The following STARD13 variants were observed in gnomAD, a reference collection of about 807,000 sequenced individuals.
STARD13 encodes the protein StAR related lipid transfer domain containing 13.
In STARD13, 62 loss-of-function variants were observed where a neutral mutation model predicts 106.4. The observed-to-expected ratio is 0.58, with a 90% CI of 0.48 to 0.72. The LOEUF (loss-of-function observed/expected upper bound fraction) is 0.72. STARD13 is among the 30% of genes least tolerant of loss of function. The pLI is 0.00. For missense variants in STARD13, 1,387 were observed against 1,424.0 expected (o/e 0.97, Z 0.42); for synonymous variants, 565 against 553.0 (o/e 1.02, Z -0.31).
At chr13:33,122,567 A>T (rs1374354565) in intron 7 of STARD13, among the ~76,000 whole-genome samples, 2 of 152,226 alleles carry the variant, frequency 1.3e-5, no homozygotes, top group Non-Finnish European at 1.5e-5. Context: ...ATCTACTGTT[A>T]AAGCTCAGCC....
the STARD13 span, among the ~76,000 whole-genome samples, chr13:33,463,909 G>A: frequency 6.6e-6 from 1 of 151,820 alleles, no homozygotes; most frequent in Non-Finnish European, 1.5e-5. Flanking sequence ...CTATCAGGAG[G>A]CTGAAGCCAG....
the STARD13 span, among the ~76,000 whole-genome samples, chr13:33,553,996 T>C: frequency 6.6e-6 from 1 of 152,142 alleles, no homozygotes; most frequent in South Asian, 2.1e-4. Context: ...AACATATTCA[T>C]TATATTATTA....
the STARD13 span, among the ~76,000 whole-genome samples, chr13:33,563,426 G>A: frequency 1.4e-5 from 2 of 146,742 alleles, 1 homozygote; most frequent in Admixed American, 1.4e-4. Context: ...ATAAATCCAC[G>A]CATTTAGAGC....
At chr13:33,564,119 A>G in the STARD13 span, among the ~76,000 whole-genome samples, 1 of 143,868 alleles carries the variant, frequency 7.0e-6, no homozygotes, top group African/African-American at 2.6e-5. Context: ...TGAACCCGGG[A>G]ATTGCTTGAA....
chr13:33,573,791 G>C, the STARD13 span, among the ~76,000 whole-genome samples: 1 of 152,080 alleles, frequency 6.6e-6, no homozygotes, highest in African/African-American at 2.4e-5. Flanking sequence ...GAAGTATCTA[G>C]ATTCATAGGA....
chr13:33,528,241 T>A, the STARD13 span, among the ~76,000 whole-genome samples: 2 of 130,518 alleles, frequency 1.5e-5, no homozygotes, highest in African/African-American at 6.9e-5. Context: ...TATATATATA[T>A]ACATATATAT....
At chr13:33,544,770 C>CT in the STARD13 span, among the ~76,000 whole-genome samples, 5,219 of 108,732 alleles carry the variant, frequency 0.048, 196 homozygotes, top group Non-Finnish European at 0.064. Flanking sequence ...TGTTTTTTCT[C>CT]TTTTTTTTTT....
chr13:33,190,798 C>A (rs1886201052), intron 1 of STARD13, among the ~76,000 whole-genome samples: 1 of 152,058 alleles, frequency 6.6e-6, no homozygotes, highest in Non-Finnish European at 1.5e-5. Flanking sequence ...GTTGGCCAGG[C>A]TAGTCTCGAA....
the STARD13 span, among the ~76,000 whole-genome samples, chr13:33,623,581 A>G: frequency 6.6e-6 from 1 of 152,078 alleles, no homozygotes; most frequent in African/African-American, 2.4e-5. Context: ...AAATGAGCTG[A>G]TATTATTTAC....
the STARD13 span, among the ~76,000 whole-genome samples, chr13:33,609,085 CAAAAAAAAAA>C: frequency 5.9e-5 from 3 of 50,598 alleles, no homozygotes; most frequent in Non-Finnish European, 1.1e-4. Context: ...GACTCCGTCT[CAAAAAAAAAA>C]AAAAAAAAAA....
chr13:33,282,303 A>T (rs1051375969), intron 1 of STARD13, among the ~76,000 whole-genome samples: 1 of 152,202 alleles, frequency 6.6e-6, no homozygotes. Flanking sequence ...GAACTAAAAA[A>T]CAGGCTAGAG....
At chr13:33,113,168 G>A in intron 8 of STARD13, 2 of 520,650 alleles carry the variant, frequency 3.8e-6, no homozygotes, top group South Asian at 6.0e-5. Flanking sequence ...CCACGCTCTC[G>A]ATGGCCAAGC....
the STARD13 span, among the ~76,000 whole-genome samples, chr13:33,643,296 C>T: frequency 6.6e-6 from 1 of 152,146 alleles, no homozygotes; most frequent in Non-Finnish European, 1.5e-5. Flanking sequence ...AAGAACGCTG[C>T]GTATTTGCCT....
chr13:33,528,267 T>TAC, the STARD13 span, among the ~76,000 whole-genome samples: 10 of 133,560 alleles, frequency 7.5e-5, no homozygotes, highest in South Asian at 2.3e-4. Flanking sequence ...CATATATATA[T>TAC]ATATATACTC....
the STARD13 span, among the ~76,000 whole-genome samples, chr13:33,556,053 A>T: frequency 6.6e-6 from 1 of 152,226 alleles, no homozygotes; most frequent in Admixed American, 6.5e-5. Flanking sequence ...GTAGGAACAC[A>T]CAAAAGTTAA....
intron 1 of STARD13, among the ~76,000 whole-genome samples, chr13:33,339,339 G>A (rs2077933296): frequency 6.6e-6 from 1 of 152,028 alleles, no homozygotes; most frequent in African/African-American, 2.4e-5. Context: ...TACCACCAAC[G>A]CTACCCTCTA....
the STARD13 span, among the ~76,000 whole-genome samples, chr13:33,668,369 A>G: frequency 5.3e-5 from 8 of 152,218 alleles, no homozygotes; most frequent in Admixed American, 2.0e-4. Flanking sequence ...AAATGAAATG[A>G]TGATGTCTTA....
intron 2 of STARD13, among the ~76,000 whole-genome samples, chr13:33,166,627 C>T (rs1048282152): frequency 2.6e-5 from 4 of 151,946 alleles, no homozygotes; most frequent in African/African-American, 4.8e-5. Context: ...AAGGACAATC[C>T]GAGAAGAAGT....
At chr13:33,186,414 A>G (rs2138480858) in intron 1 of STARD13, among the ~76,000 whole-genome samples, 1 of 152,296 alleles carries the variant, frequency 6.6e-6, no homozygotes, top group South Asian at 2.1e-4. Context: ...TCATAATTCC[A>G]GTGGTTAATC....
Sources: gnomAD v4.1 joint callset for allele counts (sites outside exome capture counted in the v4.1 genomes callset) on GRCh38, gnomAD v4.1.1 for gene constraint, MANE v1.5 for transcripts, NCBI Gene and HGNC (gene_info 2026-07-23, HGNC 2026-07-21) for gene names.